Variants in GNAZ observed in about 807,000 individuals in gnomAD.
GNAZ encodes guanine nucleotide-binding protein G(z) subunit alpha.
Under a neutral mutation model 25.4 loss-of-function variants are expected in GNAZ, and 3 were observed. The observed-to-expected ratio is 0.12, with a 90% CI of 0.05 to 0.30. GNAZ has a LOEUF of 0.30. Ranked by LOEUF, GNAZ falls within the 10% of genes least tolerant of loss-of-function variation. The pLI is 1.00. For missense variants in GNAZ, 241 were observed against 501.8 expected, an observed-to-expected ratio of 0.48 and a Z score of 4.97; for synonymous variants, 211 against 205.7, an observed-to-expected ratio of 1.03 and a Z score of -0.22.
At chr22:23,106,957 G>A (rs978411420) in intron 2 of GNAZ, among the ~76,000 whole-genome samples, 2 of 152,212 alleles carry the variant, frequency 1.3e-5, no homozygotes, top group African/African-American at 4.8e-5. Flanking sequence ...AAACCAGGGA[G>A]GGCAGACAGG....
intron 1 of GNAZ, among the ~76,000 whole-genome samples, chr22:23,089,193 ATAAGTCTTCCCGCCCCTGGCTTAGCCGG>A (rs1246911601): frequency 6.6e-6 from 1 of 152,202 alleles, no homozygotes; most frequent in Non-Finnish European, 1.5e-5. Context: ...CTATAAGCTG[ATAAGTCTTCCCGCCCCTGGCTTAGCCGG>A]CTTGGGCAGT....
At chr22:23,109,452 G>A (rs1239436290) in intron 2 of GNAZ, among the ~76,000 whole-genome samples, 1 of 152,206 alleles carries the variant, frequency 6.6e-6, no homozygotes, top group African/African-American at 2.4e-5. Flanking sequence ...CTGGGAGAAA[G>A]GGAGTCAGAC....
intron 2 of GNAZ, among the ~76,000 whole-genome samples, chr22:23,104,476 T>C (rs1022166621): frequency 1.3e-5 from 2 of 152,190 alleles, no homozygotes; most frequent in Non-Finnish European, 2.9e-5. Context: ...TCAACCTGCA[T>C]CGGCTAGGCT....
chr22:23,094,642 C>T (rs910705244), intron 1 of GNAZ, among the ~76,000 whole-genome samples: 3 of 152,234 alleles, frequency 2.0e-5, no homozygotes, highest in African/African-American at 7.2e-5. Flanking sequence ...TCACGGTGCT[C>T]CCACAGCCTG....
chr22:23,080,772 T>C (rs544887291), intron 1 of GNAZ, among the ~76,000 whole-genome samples: 1 of 152,358 alleles, frequency 6.6e-6, no homozygotes, highest in Non-Finnish European at 1.5e-5. Flanking sequence ...CAAAAGCTAT[T>C]GTGATAAATG....
intron 1 of GNAZ, among the ~76,000 whole-genome samples, chr22:23,094,895 G>A (rs1340625792): frequency 1.3e-5 from 2 of 152,264 alleles, no homozygotes; most frequent in Admixed American, 6.5e-5. Context: ...AGTGCTGTCT[G>A]GGAGAAGGGC....
chr22:23,077,210 C>T (rs1041472943), intron 1 of GNAZ, among the ~76,000 whole-genome samples: 1 of 152,182 alleles, frequency 6.6e-6, no homozygotes. Flanking sequence ...TCTCTCCTTA[C>T]ATGCCCCTTC....
chr22:23,099,905 A>T (rs1174098821), intron 2 of GNAZ, among the ~76,000 whole-genome samples: 1 of 152,258 alleles, frequency 6.6e-6, no homozygotes, highest in African/African-American at 2.4e-5. Context: ...CTTGTTGCCC[A>T]ACCTCTGCCC....
At chr22:23,122,960 G>T in intron 2 of GNAZ, 127 bp from the exon 3 acceptor site, 1 of 642,250 alleles carries the variant, frequency 1.6e-6, no homozygotes. Flanking sequence ...AGCAGAAGGA[G>T]GTGCCATTGC....
intron 2 of GNAZ, among the ~76,000 whole-genome samples, chr22:23,114,756 G>A (rs1272382551): frequency 1.3e-5 from 2 of 152,214 alleles, no homozygotes; most frequent in South Asian, 2.1e-4. Flanking sequence ...CAGAGCAGGA[G>A]GTTGGGCCTG....
intron 1 of GNAZ, among the ~76,000 whole-genome samples, chr22:23,077,709 G>A (rs1239049052): frequency 6.6e-6 from 1 of 152,174 alleles, no homozygotes; most frequent in African/African-American, 2.4e-5. Flanking sequence ...CTATGGAGCA[G>A]CTAATCAGGC....
chr22:23,076,516 G>A (rs935634544), intron 1 of GNAZ, among the ~76,000 whole-genome samples: 2 of 152,120 alleles, frequency 1.3e-5, no homozygotes, highest in African/African-American at 2.4e-5. Context: ...TGGGCCTCAG[G>A]TTTGGCCACC....
At chr22:23,082,762 C>T (rs2068718438) in intron 1 of GNAZ, among the ~76,000 whole-genome samples, 1 of 152,048 alleles carries the variant, frequency 6.6e-6, no homozygotes, top group South Asian at 2.1e-4. Context: ...AGTCCAGGGA[C>T]AACCTGCAGG....
In GNAZ at chr22:23,081,529, G is replaced by C. The variant is rs374845859; in HGVS notation, c.-450+10959G>C. 1.1e-4 allele frequency among the ~76,000 whole-genome samples: 17 copies of C among 152,106 alleles called. 1 individual carries two copies. The East Asian group carries it at 2.9e-3, about 26-fold the overall frequency. ...TATGTTATAGGCCAATCAGGTTATA[G>C]GCCAATATGTTATAGGCCAATCAGG... On this transcript the variant is annotated intron_variant, in intron 1 of 2. Transcript: ENST00000615612.
At chr22:23,106,834 G>T (rs1294323634) in intron 2 of GNAZ, among the ~76,000 whole-genome samples, 4 of 152,244 alleles carry the variant, frequency 2.6e-5, no homozygotes, top group Non-Finnish European at 4.4e-5. Context: ...CAAAGTGGGG[G>T]CCTTCTGACC....
At chr22:23,096,955 G>A (rs1249843944) in intron 2 of GNAZ, among the ~76,000 whole-genome samples, 1 of 152,248 alleles carries the variant, frequency 6.6e-6, no homozygotes, top group Non-Finnish European at 1.5e-5. Flanking sequence ...GTGGGGGCTT[G>A]AGAGTGGAGT....
At chr22:23,094,365 G>A (rs2069065483) in intron 1 of GNAZ, among the ~76,000 whole-genome samples, 2 of 152,034 alleles carry the variant, frequency 1.3e-5, no homozygotes, top group Admixed American at 1.3e-4. Context: ...CCTAGGGTGT[G>A]CCCCTCCCTG....
chr22:23,117,764 A>G (rs2146385505), intron 2 of GNAZ, among the ~76,000 whole-genome samples: 1 of 152,366 alleles, frequency 6.6e-6, no homozygotes, highest in South Asian at 2.1e-4. Context: ...GACTTGTCCA[A>G]GGTGCAGCAT....
chr22:23,084,284 T>A (rs1366552945), intron 1 of GNAZ, among the ~76,000 whole-genome samples: 1 of 152,244 alleles, frequency 6.6e-6, no homozygotes, highest in Non-Finnish European at 1.5e-5. Flanking sequence ...TGAGTACTCA[T>A]ACAACCATTC....
Sources: gnomAD v4.1 joint callset for allele counts (sites outside exome capture counted in the v4.1 genomes callset) on GRCh38, gnomAD v4.1.1 for gene constraint, MANE v1.5 for transcripts, NCBI Gene and HGNC (gene_info 2026-07-23, HGNC 2026-07-21) for gene names.